UBE2V1: variants seen among roughly 807,000 people sequenced by gnomAD.
UBE2V1 encodes ubiquitin conjugating enzyme E2 V1.
UBE2V1 carries 15 observed loss-of-function variants against 19.6 expected under a neutral mutation model. That is an observed-to-expected ratio of 0.77 (90% CI 0.51 to 1.18). The LOEUF (loss-of-function observed/expected upper bound fraction) is 1.18. Ranked by LOEUF, UBE2V1 falls within the 50% of genes most tolerant of loss-of-function variation. The pLI is 0.00. For missense variants in UBE2V1, 125 were observed against 184.8 expected, an observed-to-expected ratio of 0.68 and a Z score of 1.88; for synonymous variants, 60 against 60.7, an observed-to-expected ratio of 0.99 and a Z score of 0.05.
At chr20:50,115,926 GC>G (rs1399376376), upstream of UBE2V1, 3 of 175,374 alleles carry the variant, frequency 1.7e-5, no homozygotes, top group Non-Finnish European at 3.6e-5. Flanking sequence ...TAATTCCCGT[GC>G]CGAGCTCATC....
chr20:50,115,815 G>T (rs904243208), upstream of UBE2V1: 6 of 394,170 alleles, frequency 1.5e-5, no homozygotes, highest in Admixed American at 2.3e-4. Context: ...AGAGGATGAG[G>T]ATTAAAACAC....
At chr20:50,092,183 G>A (rs1366902390) in intron 2 of UBE2V1, among the ~76,000 whole-genome samples, 1 of 152,138 alleles carries the variant, frequency 6.6e-6, no homozygotes, top group Non-Finnish European at 1.5e-5. Context: ...TTAGCCGGGT[G>A]TGGTGGTATG....
At chr20:50,095,599 G>A (rs144590919) in intron 2 of UBE2V1, among the ~76,000 whole-genome samples, 12 of 152,288 alleles carry the variant, frequency 7.9e-5, no homozygotes, top group African/African-American at 1.4e-4. Flanking sequence ...GTTCCAGCCC[G>A]GGCCACGCCC....
intron 2 of UBE2V1, chr20:50,084,819 TTTTTTTTTTTGG>T (rs1386978612): frequency 8.6e-6 from 2 of 232,396 alleles, no homozygotes; most frequent in African/African-American, 4.6e-5. Context: ...GCAGTCTTTT[TTTTTTTTTTTGG>T]TAGTCTGACC....
At position 50,081,259 on chromosome 20, in the gene UBE2V1, C is replaced by T. The variant is rs1298832061; in HGVS notation, c.*1509G>A. The T allele has an allele frequency of 6.6e-6, 1 of 152,086 alleles. No individual in the cohort carries two copies. The highest frequency in any genetic ancestry group is 1.5e-5 in the Non-Finnish European group (1 of 68,002). The allele number at this position is 152,086 out of a possible 1,614,324, so 9.4% of individuals were successfully genotyped here. On this transcript the variant is annotated 3_prime_UTR_variant, in exon 4 of 4. Coordinates refer to ENST00000371674, the MANE Select transcript of UBE2V1 (RefSeq NM_001032288.3). ...TAAATCCTTAGAACTAAGGTTTTCC[C>T]CCCAGAAAAAGATTAATGGAAACAT...
chr20:50,113,379 T>A (rs989073399), upstream of UBE2V1, among the ~76,000 whole-genome samples: 29 of 152,308 alleles, frequency 1.9e-4, no homozygotes, highest in Admixed American at 1.8e-3. Context: ...ATGTGCTTAG[T>A]GAGAAGGGCA....
chr20:50,098,927 A>C, intron 1 of UBE2V1: 1 of 985,424 alleles, frequency 1.0e-6, no homozygotes, highest in Non-Finnish European at 1.2e-6. Flanking sequence ...TCTGCACAGC[A>C]GCCAACTGGA....
chr20:50,104,409 G>A, intron 1 of UBE2V1: 2 of 966,776 alleles, frequency 2.1e-6, no homozygotes, highest in South Asian at 9.6e-5. Context: ...TATAATCCCA[G>A]CACTTTGGGA....
intron 2 of UBE2V1, among the ~76,000 whole-genome samples, chr20:50,088,452 A>G (rs1045092235): frequency 2.0e-5 from 3 of 152,244 alleles, no homozygotes; most frequent in Non-Finnish European, 1.5e-5. Flanking sequence ...CAACTTTTCT[A>G]TAAGCCTGTA....
chr20:50,099,527 A>G (rs2079849894), intron 1 of UBE2V1, among the ~76,000 whole-genome samples: 1 of 152,190 alleles, frequency 6.6e-6, no homozygotes, highest in African/African-American at 2.4e-5. Context: ...ATTTTTTTAC[A>G]ACAATCCCAT....
At chr20:50,107,325 G>C (rs1368057115) in intron 1 of UBE2V1, among the ~76,000 whole-genome samples, 1 of 152,212 alleles carries the variant, frequency 6.6e-6, no homozygotes, top group Non-Finnish European at 1.5e-5. Flanking sequence ...ATACTAGTTT[G>C]AGATCCATTG....
intron 2 of UBE2V1, among the ~76,000 whole-genome samples, chr20:50,091,783 CATT>C (rs2079247190): frequency 6.6e-6 from 1 of 152,166 alleles, no homozygotes; most frequent in African/African-American, 2.4e-5. Context: ...AGTTGTAAAA[CATT>C]ATGCATAGGA....
chr20:50,108,478 T>C (rs1439986709), intron 1 of UBE2V1, among the ~76,000 whole-genome samples: 1 of 152,124 alleles, frequency 6.6e-6, no homozygotes, highest in Non-Finnish European at 1.5e-5. Context: ...AGAACGATCA[T>C]CCGGCCAAGA....
chr20:50,109,894 T>G (rs1404438670), intron 1 of UBE2V1, among the ~76,000 whole-genome samples: 1 of 152,174 alleles, frequency 6.6e-6, no homozygotes, highest in African/African-American at 2.4e-5. Context: ...AGGCACTTAA[T>G]TACAATTGGC....
At chr20:50,111,606 C>A in intron 1 of UBE2V1, 1 of 999,454 alleles carries the variant, frequency 1.0e-6, no homozygotes. Flanking sequence ...CTCCGCTATT[C>A]TGCAAGAAGA....
chr20:50,110,760 T>A (rs1476753637), intron 1 of UBE2V1, among the ~76,000 whole-genome samples: 1 of 152,186 alleles, frequency 6.6e-6, no homozygotes, highest in Non-Finnish European at 1.5e-5. Flanking sequence ...TCCAAAGCCA[T>A]GTCTCTCCAA....
intron 1 of UBE2V1, among the ~76,000 whole-genome samples, chr20:50,106,351 C>G (rs2080355451): frequency 6.6e-6 from 1 of 152,170 alleles, no homozygotes; most frequent in Non-Finnish European, 1.5e-5. Flanking sequence ...TTTGATAGAG[C>G]TTTACACCAT....
intron 2 of UBE2V1, among the ~76,000 whole-genome samples, chr20:50,091,862 C>CCA (rs2079252226): frequency 6.6e-6 from 1 of 152,118 alleles, no homozygotes. Context: ...GTGGGTAGAA[C>CCA]CACACCACAC....
intron 2 of UBE2V1, 153 bp from the exon 3 acceptor site, chr20:50,084,407 T>C (rs749240827): frequency 2.2e-6 from 3 of 1,350,276 alleles, no homozygotes; most frequent in Non-Finnish European, 3.1e-6. Flanking sequence ...AGCAGTTCTA[T>C]ACTAGTTCCT....
Sources: gnomAD v4.1 joint callset for allele counts (sites outside exome capture counted in the v4.1 genomes callset) on GRCh38, gnomAD v4.1.1 for gene constraint, MANE v1.5 for transcripts, NCBI Gene and HGNC (gene_info 2026-07-23, HGNC 2026-07-21) for gene names.